The following CLNK variants were observed in gnomAD, a reference collection of about 807,000 sequenced individuals.
The protein encoded by CLNK is cytokine-dependent hematopoietic cell linker.
Under a neutral mutation model 68.6 loss-of-function variants are expected in CLNK, and 74 were observed. The ratio of observed to expected loss-of-function variants is 1.08; its 90% CI spans 0.89 to 1.31. CLNK has a LOEUF of 1.31. Among genes scored for constraint, CLNK ranks in the 50% most tolerant of loss-of-function variants. The probability of loss-of-function intolerance (pLI) is 0.00; values close to 1 mark genes in which losing one functional copy is unlikely to be tolerated. For missense variants in CLNK, 553 were observed against 515.3 expected (o/e 1.07, Z -0.71); for synonymous variants, 198 against 172.2 (o/e 1.15, Z -1.17).
chr4:10,723,919 A>AGACAGAGAGAGAGAGATCGAGGGAGAGAG, the CLNK span, among the ~76,000 whole-genome samples: 3 of 148,020 alleles, frequency 2.0e-5, no homozygotes, highest in African/African-American at 2.5e-5. Context: ...AGAGAGAGAG[A>AGACAGAGAGAGAGAGATCGAGGGAGAGAG]AGGCAGGGCA....
intron 16 of CLNK, among the ~76,000 whole-genome samples, 199 bp from the exon 17 acceptor site, chr4:10,508,235 T>C (rs1002069297): frequency 6.6e-6 from 1 of 152,226 alleles, no homozygotes; most frequent in Non-Finnish European, 1.5e-5. Flanking sequence ...AAAAAGTTAC[T>C]GCAGCTGGGG....
intron 2 of CLNK, among the ~76,000 whole-genome samples, chr4:10,667,373 A>ATTTTTTTT (rs57765419): frequency 7.1e-6 from 1 of 140,920 alleles, no homozygotes; most frequent in Non-Finnish European, 1.5e-5. Context: ...AGTCCTGCTA[A>ATTTTTTTT]TTTTTTTTTT....
At chr4:10,677,243 A>C (rs61794272) in intron 1 of CLNK, among the ~76,000 whole-genome samples, 1 of 152,030 alleles carries the variant, frequency 6.6e-6, no homozygotes, top group Non-Finnish European at 1.5e-5. Context: ...AGATCCAGTA[A>C]ACCCCACCAT....
At position 10,642,638 on chromosome 4, in the gene CLNK, T is replaced by C. The variant is rs1577191493; in HGVS notation, c.11+25221A>G. ...TGGGTAAGTCATGAAAACTTTGCCC[T>C]GCAGTTTCCTCATCTATATGCCAAA... On this transcript the variant is annotated intron_variant, in intron 2 of 18. Coordinates refer to ENST00000226951, the MANE Select transcript of CLNK (RefSeq NM_052964.4). 2.0e-5 allele frequency among the ~76,000 whole-genome samples: 3 copies of C among 152,168 alleles called. No individual in the cohort carries two copies. In the East Asian group the frequency reaches 5.8e-4, roughly 29 times the overall value.
At chr4:10,723,882 CAGAGAGAG>C in the CLNK span, among the ~76,000 whole-genome samples, 31 of 70,932 alleles carry the variant, frequency 4.4e-4, 1 homozygote, top group Admixed American at 9.3e-4. Context: ...ACACAGGAGT[CAGAGAGAG>C]AGAGAGAGAG....
At chr4:10,530,058 C>T (rs1386419212) in intron 12 of CLNK, among the ~76,000 whole-genome samples, 1 of 151,704 alleles carries the variant, frequency 6.6e-6, no homozygotes, top group Non-Finnish European at 1.5e-5. Flanking sequence ...TCTCTGCCCC[C>T]TCCTTTCATT....
At chr4:10,686,034 CA>C (rs1257863931), upstream of CLNK, among the ~76,000 whole-genome samples, 3 of 152,104 alleles carry the variant, frequency 2.0e-5, no homozygotes, top group African/African-American at 7.2e-5. Flanking sequence ...AACAGAAGGT[CA>C]AATTGTATTG....
intron 2 of CLNK, among the ~76,000 whole-genome samples, chr4:10,654,093 A>G (rs923868686): frequency 1.3e-5 from 2 of 152,160 alleles, no homozygotes; most frequent in African/African-American, 4.8e-5. Flanking sequence ...ACTGCAACTC[A>G]TTTGATGAGG....
At chr4:10,514,919 A>G (rs1461898518) in intron 15 of CLNK, among the ~76,000 whole-genome samples, 4 of 152,166 alleles carry the variant, frequency 2.6e-5, no homozygotes, top group Non-Finnish European at 4.4e-5. Flanking sequence ...AAAAAAACAA[A>G]CAATCCCAGA....
At chr4:10,617,143 AC>A (rs1488370966) in intron 2 of CLNK, among the ~76,000 whole-genome samples, 3 of 152,072 alleles carry the variant, frequency 2.0e-5, no homozygotes, top group Admixed American at 2.0e-4. Context: ...CACAAAAGAA[AC>A]AAAAATCCCA....
intron 2 of CLNK, among the ~76,000 whole-genome samples, chr4:10,639,989 C>A (rs1457674478): frequency 1.3e-5 from 2 of 152,194 alleles, no homozygotes; most frequent in Admixed American, 6.5e-5. Context: ...TTCCCTAGAC[C>A]ACACTACTTT....
At chr4:10,668,014 G>T in intron 1 of CLNK, 103 bp from the exon 2 acceptor site, 1 of 537,642 alleles carries the variant, frequency 1.9e-6, no homozygotes, top group South Asian at 3.5e-5. Context: ...TACAGGTGCT[G>T]GTTTAAAGGA....
At chr4:10,511,130 C>A (rs1717564066) in intron 16 of CLNK, among the ~76,000 whole-genome samples, 1 of 151,850 alleles carries the variant, frequency 6.6e-6, no homozygotes, top group South Asian at 2.1e-4. Flanking sequence ...GGCACTCCAG[C>A]CTGGGCAAAA....
intron 1 of CLNK, among the ~76,000 whole-genome samples, chr4:10,668,255 C>T (rs146049826): frequency 0.012 from 1,878 of 152,252 alleles, 35 homozygotes; most frequent in African/African-American, 0.041. Context: ...CTCCTCTGAG[C>T]CAGAGCATGC....
intron 2 of CLNK, among the ~76,000 whole-genome samples, chr4:10,644,834 A>G (rs183163951): frequency 6.6e-6 from 1 of 152,166 alleles, no homozygotes; most frequent in African/African-American, 2.4e-5. Flanking sequence ...CCTGCCCTGC[A>G]CTCTGAACCA....
chr4:10,576,592 C>A (rs1489693252), intron 4 of CLNK, among the ~76,000 whole-genome samples: 1 of 152,230 alleles, frequency 6.6e-6, no homozygotes, highest in Non-Finnish European at 1.5e-5. Flanking sequence ...TTGAACAGCT[C>A]TTCTCGTGTC....
intron 15 of CLNK, among the ~76,000 whole-genome samples, chr4:10,518,568 C>G (rs999316986): frequency 6.6e-6 from 1 of 152,178 alleles, no homozygotes; most frequent in Non-Finnish European, 1.5e-5. Context: ...GTTGTTACTA[C>G]TTTGGAATAT....
intron 2 of CLNK, among the ~76,000 whole-genome samples, chr4:10,603,939 T>A (rs1721689382): frequency 6.6e-6 from 1 of 152,154 alleles, no homozygotes; most frequent in South Asian, 2.1e-4. Context: ...GTTATATTTT[T>A]TAGTAGAAGA....
intron 1 of CLNK, among the ~76,000 whole-genome samples, chr4:10,668,688 T>TG (rs1277065731): frequency 6.6e-6 from 1 of 152,130 alleles, no homozygotes; most frequent in Non-Finnish European, 1.5e-5. Flanking sequence ...TGGAGGGATT[T>TG]GGGGACCAGG....
Sources: allele counts gnomAD v4.1 joint callset (sites outside exome capture counted in the v4.1 genomes callset), GRCh38; gene constraint gnomAD v4.1.1; transcripts MANE v1.5; gene names NCBI Gene and HGNC (gene_info 2026-07-23, HGNC 2026-07-21).